The following INTS5 variants were observed in gnomAD, a reference collection of about 807,000 sequenced individuals.
INTS5 encodes KIAA1698.
A neutral mutation model predicts 60.0 loss-of-function variants in INTS5; 29 were observed. The observed-to-expected ratio is 0.48, with a 90% CI of 0.36 to 0.66. The LOEUF (loss-of-function observed/expected upper bound fraction) is 0.66, where lower values mean the gene tolerates loss of function less well. Among genes scored for constraint, INTS5 ranks in the 30% least tolerant of loss-of-function variants. The probability of loss-of-function intolerance (pLI) is 0.00; values close to 1 mark genes in which losing one functional copy is unlikely to be tolerated. For missense variants in INTS5, 1,129 were observed against 1,307.9 expected (o/e 0.86, Z 2.11); for synonymous variants, 588 against 558.8 (o/e 1.05, Z -0.74).
rs1944563866 is a variant in INTS5, at chr11:62,648,462, C to A, written c.1618G>T (p.Ala540Ser). The A allele has an allele frequency of 6.2e-7, 1 of 1,614,174 alleles. No individual in the cohort carries two copies. The highest frequency in any genetic ancestry group is 8.5e-7 in the Non-Finnish European group (1 of 1,180,048). ...EELSLATQLY[A>S]GLVVSLSGLL... ...CCAGAGAGGCTGACCACTAGCCCTG[C>A]ATATAACTGGGTGGCCAAACTCAAC... The change falls in exon 2 of 2, where the codon GCA (alanine) becomes TCA (serine). Residue 540 changes from alanine (A) to serine (S), a missense_variant. Coordinates refer to ENST00000330574, the MANE Select transcript of INTS5 (RefSeq NM_030628.2). This position sits in a 1 kb window ranked among gnomAD's most constrained non-coding sequence, Gnocchi z 4.4.
At position 62,647,584 on chromosome 11, in the gene INTS5, G is replaced by A; in HGVS notation, c.2496C>T (p.Pro832=). 6.2e-7 allele frequency: 1 copy of A among 1,613,964 alleles called. No homozygotes were observed. The highest frequency in any genetic ancestry group is 1.1e-5 in the South Asian group (1 of 91,090). The part of the protein sequence containing the change: ...PDAAGAELAW[P]PEEHARATVE... ...CGGTGGCCCGGGCGTGTTCCTCGGG[G>A]GGCCAGGCCAGCTCTGCACCAGCTG... The change falls in exon 2 of 2, where the codon CCC becomes CCT. Residue 832 remains proline (P), a synonymous_variant. Transcript: ENST00000330574.
chr11:62,648,556 G>C lies in INTS5; in HGVS notation c.1524C>G (p.Val508=). The change falls in exon 2 of 2, where the codon GTC becomes GTG. Residue 508 remains valine (V), a synonymous_variant. Transcript: ENST00000330574. The surrounding 1 kb of genome is among the most constrained non-coding windows in gnomAD (Gnocchi z 4.4). ...CAGGTCCACAGCTAGGCCGGGTATA[G>C]ACAGACAGCAGGCCCAAGAGCTGGT... ...WQHQLLGLLS[V]YTRPSCGPEA... The C allele has an allele frequency of 6.2e-7, 1 of 1,614,142 alleles. No individual in the cohort carries two copies.
At chr11:62,650,077 C>T (rs1437394803) in intron 1 of INTS5, 78 bp from the exon 2 acceptor site, 1 of 1,169,376 alleles carries the variant, frequency 8.6e-7, no homozygotes, top group African/African-American at 1.6e-5. Flanking sequence ...TGAGCTTTGC[C>T]TTTTATGTTA....
chr11:62,647,493 G>A lies in INTS5; in HGVS notation c.2587C>T (p.Leu863=), dbSNP rs1428253175. The A allele has an allele frequency of 6.2e-7, 1 of 1,607,500 alleles. No homozygotes were observed. The change falls in exon 2 of 2, where the codon CTG becomes TTG. Residue 863 remains leucine, a synonymous_variant. Transcript: ENST00000330574. ...EQPLLFELLK[L]VAAAPPALCY... ...AGGGCTGGGGGTGCAGCTGCTACCA[G>A]CTTTAACAGCTCAAAGAGCAGGGGC...
chr11:62,650,546 G>A (rs936788234), intron 1 of INTS5, among the ~76,000 whole-genome samples: 2 of 152,110 alleles, frequency 1.3e-5, no homozygotes, highest in Non-Finnish European at 2.9e-5. Context: ...CAGAGTAGCT[G>A]GGACTACAGG....
At position 62,646,926 on chromosome 11, in the gene INTS5, G is replaced by T; in HGVS notation, c.*94C>A. 9.2e-7 allele frequency: 1 copy of T among 1,081,300 alleles called. No homozygotes were observed. The highest frequency in any genetic ancestry group is 2.4e-5 in the East Asian group (1 of 41,624). The allele number at this position is 1,081,300 out of a possible 1,614,324, so 67.0% of individuals were successfully genotyped here. Reference sequence around the variant, plus strand: ...AAAGTGACAGCGCTCTTTAGACCAAGGACTTAGAAGAGAAACCTCCACCCT... The same window carrying T: ...AAAGTGACAGCGCTCTTTAGACCAATGACTTAGAAGAGAAACCTCCACCCT... On this transcript the variant is annotated 3_prime_UTR_variant, in exon 2 of 2. Transcript: ENST00000330574.
chr11:62,649,733 G>C lies in INTS5; in HGVS notation c.347C>G (p.Pro116Arg). ...TTCCTGAACCACATCCTCTAGACCA[G>C]GTCCACCAGCAGGGACATGAGAGGG... ...PPPSHVPAGGPGLEDVVQEVQ... is the reference protein window; with the variant it reads ...PPPSHVPAGGRGLEDVVQEVQ... Residue 116 changes from proline (P) to arginine (R), a missense_variant, in exon 2 of 2, where the codon CCT becomes CGT. Physicochemically the swap from Pro to Arg is moderately radical, Grantham distance 103. Transcript: ENST00000330574. The surrounding 1 kb of genome is among the most constrained non-coding windows in gnomAD (Gnocchi z 6.0). The C allele has an allele frequency of 3.1e-6, 5 of 1,614,200 alleles. No homozygotes were observed. The highest frequency in any genetic ancestry group is 4.2e-6 in the Non-Finnish European group (5 of 1,180,046).
Position 62,648,701 on chromosome 11 carries a change from C to A in INTS5, c.1379G>T (p.Gly460Val). Residue 460 changes from glycine to valine, a missense_variant, in exon 2 of 2, where the codon GGG becomes GTG. By Grantham distance (109) the Gly-to-Val change is moderately radical. Around this residue, in one of 3 missense-constraint regions of INTS5, gnomAD observed 1,070 missense variants for 1,246.1 expected, o/e 0.86. Coordinates refer to ENST00000330574, the MANE Select transcript of INTS5 (RefSeq NM_030628.2). This position sits in a 1 kb window ranked among gnomAD's most constrained non-coding sequence, Gnocchi z 4.4. ...VHHRGGSPGE[G>V]VLGPPPPPRL... The stretch of plus-strand genomic sequence containing the variant: ...GGGAGGTGGGGGCGGGCCTAGCACC[C>A]CTTCCCCAGGAGACCCTCCCCGGTG... 1 of 1,614,144 alleles carries A rather than the reference C, an allele frequency of 6.2e-7. No homozygotes were observed. The highest frequency in any genetic ancestry group is 8.5e-7 in the Non-Finnish European group (1 of 1,180,022).
chr11:62,648,694 T>A lies in INTS5; in HGVS notation c.1386A>T (p.Leu462=). ...CCAAGCGGGGAGGTGGGGGCGGGCC[T>A]AGCACCCCTTCCCCAGGAGACCCTC... ...HRGGSPGEGV[L]GPPPPPRLVP... Residue 462 remains leucine, a synonymous_variant, in exon 2 of 2, where the codon CTA becomes CTT. Transcript: ENST00000330574. This position sits in a 1 kb window ranked among gnomAD's most constrained non-coding sequence, Gnocchi z 4.4. 6.2e-7 allele frequency: 1 copy of A among 1,614,062 alleles called. No homozygotes were observed. The highest frequency in any genetic ancestry group is 8.5e-7 in the Non-Finnish European group (1 of 1,179,986).
intron 1 of INTS5, among the ~76,000 whole-genome samples, chr11:62,652,542 C>T (rs1406732447): frequency 6.6e-6 from 1 of 152,058 alleles, no homozygotes; most frequent in African/African-American, 2.4e-5. Context: ...TACTCAGCAC[C>T]CTCAATGTGC....
In INTS5 at chr11:62,653,281, CG is replaced by C; in HGVS notation, c.-33del. 1 of 1,236,552 alleles carries C rather than the reference CG, an allele frequency of 8.1e-7. No homozygotes were observed. Among genetic ancestry groups the C allele is most frequent in the Non-Finnish European group, 1.0e-6 (1 of 982,512 alleles). The allele number at this position is 1,236,552 out of a possible 1,614,324, so 76.6% of individuals were successfully genotyped here. ...GCCCGAGCCGAGCCCGAGGCGCGAG[CG>C]GCGGAGCGCAGGCGGCGCATGCGCG... is the stretch of plus-strand genomic sequence containing the variant. On this transcript the variant is annotated 5_prime_UTR_variant, in exon 1 of 2. Coordinates refer to ENST00000330574, the MANE Select transcript of INTS5 (RefSeq NM_030628.2).
rs1477651554 is a variant in INTS5 at position 62,647,023 on chromosome 11, C to T, written c.3057G>A (p.Thr1019=). ...GGGCTTCCAGAGCAAGAAAAGGCTA[C>T]GTCCCCTGTCGAAGGAGAGTGGACG... The part of the protein sequence containing the change: ...PSPSTLLRQG[T] The change falls in exon 2 of 2, where the codon ACG becomes ACA. Residue 1019 remains threonine (T), a synonymous_variant. Transcript: ENST00000330574. 6 of 1,607,452 alleles carry T rather than the reference C, an allele frequency of 3.7e-6. No individual in the cohort carries two copies. The highest frequency in any genetic ancestry group is 1.3e-5 in the African/African-American group (1 of 74,854).
chr11:62,646,998 G>T lies in INTS5; in HGVS notation c.*22C>A. 3 of 1,586,228 alleles carry T rather than the reference G, an allele frequency of 1.9e-6. No individual in the cohort carries two copies. The highest frequency in any genetic ancestry group is 2.6e-6 in the Non-Finnish European group (3 of 1,159,680). ...CCCTCTCTCACTGCTCAACCTCCCT[G>T]GGCTTCCAGAGCAAGAAAAGGCTAC... On this transcript the variant is annotated 3_prime_UTR_variant, in exon 2 of 2. Coordinates refer to ENST00000330574, the MANE Select transcript of INTS5 (RefSeq NM_030628.2).
At chr11:62,651,246 G>T (rs1944590180) in intron 1 of INTS5, among the ~76,000 whole-genome samples, 1 of 151,940 alleles carries the variant, frequency 6.6e-6, no homozygotes, top group Admixed American at 6.6e-5. Context: ...GAGTAGCTGG[G>T]ACTACAGGCG....
intron 1 of INTS5, 64 bp from the exon 2 acceptor site, chr11:62,650,063 T>C: frequency 7.7e-7 from 1 of 1,298,812 alleles, no homozygotes; most frequent in South Asian, 1.3e-5. Flanking sequence ...TTACCTTTCC[T>C]GTATGAGCTT....
chr11:62,649,914 C>T lies in INTS5; in HGVS notation c.166G>A (p.Ala56Thr), dbSNP rs1483892558. 6.2e-7 allele frequency: 1 copy of T among 1,614,180 alleles called. No individual in the cohort carries two copies. Among genetic ancestry groups the T allele is most frequent in the Non-Finnish European group, 8.5e-7 (1 of 1,180,028 alleles). The part of the protein sequence containing the change: ...LGHQLSAREH[A>T]RCGLLLLRSL... Reference sequence around the variant, plus strand: ...CGGAGCAGGAGAAGACCACAGCGAGCATGTTCCCGGGCTGAGAGTTGGTGG... The same window carrying T: ...CGGAGCAGGAGAAGACCACAGCGAGTATGTTCCCGGGCTGAGAGTTGGTGG... The change falls in exon 2 of 2, where the codon GCT becomes ACT. Residue 56 changes from alanine to threonine, a missense_variant. Physicochemically the swap from Ala to Thr is moderately conservative, Grantham distance 58 (BLOSUM62 0). Coordinates refer to ENST00000330574, the MANE Select transcript of INTS5 (RefSeq NM_030628.2). The surrounding 1 kb of genome is among the most constrained non-coding windows in gnomAD (Gnocchi z 6.0).
intron 1 of INTS5, 75 bp downstream of exon 1, chr11:62,653,095 C>A (rs375649838): frequency 3.2e-6 from 3 of 932,416 alleles, no homozygotes; most frequent in South Asian, 5.5e-5. Context: ...AGGTAGGATC[C>A]GGGTTTCTAC....
rs776493392 is a variant in INTS5, at chr11:62,647,623, A to G, written c.2457T>C (p.Ser819=). The G allele has an allele frequency of 6.2e-7, 1 of 1,613,800 alleles. No homozygotes were observed. The highest frequency in any genetic ancestry group is 1.6e-4 in the Middle Eastern group (1 of 6,062). ...CTGCACCAGCTGCATCGGGACACAC[A>G]CTCTCCACCAAGGTCACTGCCACTG... The part of the protein sequence containing the change: ...AKAVAVTLVE[S]VCPDAAGAEL... Residue 819 remains serine, a synonymous_variant, in exon 2 of 2, where the codon AGT becomes AGC. Coordinates refer to ENST00000330574, the MANE Select transcript of INTS5 (RefSeq NM_030628.2).
rs745315858 is a variant in INTS5, at chr11:62,648,497, C to A, written c.1583G>T (p.Ser528Ile). 1.4e-5 allele frequency: 23 copies of A among 1,614,082 alleles called. No individual in the cohort carries two copies. The South Asian group carries it at 1.9e-4, about 13-fold the overall frequency. ...ALGHLLSRAR[S>I]PEELSLATQL... Reference sequence around the variant, plus strand: ...GGTGGCCAAACTCAACTCTTCAGGGCTTCGGGCTCGGCTCAGCAGATGGCC... The same window carrying A: ...GGTGGCCAAACTCAACTCTTCAGGGATTCGGGCTCGGCTCAGCAGATGGCC... The change falls in exon 2 of 2, where the codon AGC becomes ATC. Residue 528 changes from serine to isoleucine, a missense_variant. By Grantham distance (142) the Ser-to-Ile change is moderately radical. Transcript: ENST00000330574. This position sits in a 1 kb window ranked among gnomAD's most constrained non-coding sequence, Gnocchi z 4.4.
Sources: allele counts gnomAD v4.1 joint callset (sites outside exome capture counted in the v4.1 genomes callset), GRCh38; gene constraint gnomAD v4.1.1; regional missense constraint gnomAD v4.1.1; non-coding constraint Gnocchi (gnomAD v3.1); transcripts MANE v1.5; gene names NCBI Gene and HGNC (gene_info 2026-07-23, HGNC 2026-07-21).